IGFN1: variants seen among roughly 807,000 people sequenced by gnomAD.
IGFN1 encodes the protein immunoglobulin like and fibronectin type III domain containing 1.
A neutral mutation model predicts 289.5 loss-of-function variants in IGFN1; 253 were observed. The ratio of observed to expected loss-of-function variants is 0.87; its 90% confidence interval spans 0.79 to 0.97. IGFN1 has a LOEUF of 0.97. Among genes scored for constraint, IGFN1 ranks in the 50% least tolerant of loss-of-function variants. The probability of loss-of-function intolerance (pLI) is 0.00; values close to 1 mark genes in which losing one functional copy is unlikely to be tolerated. For missense variants in IGFN1, 4,470 were observed against 4,686.1 expected, an observed-to-expected ratio of 0.95 and a Z score of 1.35; for synonymous variants, 1,706 against 1,788.5, an observed-to-expected ratio of 0.95 and a Z score of 1.16.
At chr1:201,216,046 G>C (rs1175058273) in intron 15 of IGFN1, 1 of 726,542 alleles carries the variant, frequency 1.4e-6, no homozygotes. Flanking sequence ...TCCTGCTGGG[G>C]GGGAGGAGCC....
At position 201,211,394 on chromosome 1, in the gene IGFN1, T is replaced by G. The variant is rs1424086882; in HGVS notation, c.6501T>G (p.Ser2167=). The change falls in exon 12 of 24, where the codon TCT becomes TCG. Residue 2167 remains serine (S), a synonymous_variant. Coordinates refer to ENST00000335211, the MANE Select transcript of IGFN1 (RefSeq NM_001164586.2). ...KAGFRDGLGS[S]GEMGSMDEAG... is the part of the protein sequence containing the mutation. Reference sequence around the variant, plus strand: ...GTTTTAGGGATGGTTTAGGGAGTTCTGGGGAAATGGGGTCAATGGATGAGG... The same window carrying G: ...GTTTTAGGGATGGTTTAGGGAGTTCGGGGGAAATGGGGTCAATGGATGAGG... The G allele has an allele frequency of 6.7e-7, 1 of 1,490,160 alleles. No homozygotes were observed. Among genetic ancestry groups the G allele is most frequent in the South Asian group, 1.3e-5 (1 of 79,974 alleles). 92.3% of individuals were successfully genotyped at this position (1,490,160 alleles called of 1,614,324 possible).
intron 19 of IGFN1, 74 bp from the exon 20 acceptor site, chr1:201,222,665 C>A (rs1558159908): frequency 9.7e-7 from 1 of 1,030,494 alleles, no homozygotes; most frequent in Non-Finnish European, 1.5e-6. Context: ...TCCAGCCCTA[C>A]CTTGCTGGGG....
rs1442404397 is a variant in IGFN1, at chr1:201,212,309, T to C, written c.7416T>C (p.Thr2472=). Residue 2472 remains threonine, a synonymous_variant, in exon 12 of 24, where the codon ACT becomes ACC. Transcript: ENST00000335211. The part of the protein sequence containing the change: ...GSTKDLGGYG[T]SGIPEASEAA... ...CCAAAGATCTTGGGGGCTATGGAAC[T>C]TCAGGGATCCCTGAGGCCTCGGAGG... is the stretch of plus-strand genomic sequence containing the variant. 6.5e-7 allele frequency: 1 copy of C among 1,536,492 alleles called. No individual in the cohort carries two copies. Among genetic ancestry groups the C allele is most frequent in the Admixed American group, 2.0e-5 (1 of 50,972 alleles).
rs975698031 is a variant in IGFN1 at position 201,211,095 on chromosome 1, G to A, written c.6202G>A (p.Ala2068Thr). Reference sequence around the variant, plus strand: ...TGTAGAAATGGGGTCAGTGAATGAGGCAGGTTATAGGAAGGATTTAGGGGC... The same window carrying A: ...TGTAGAAATGGGGTCAGTGAATGAGACAGGTTATAGGAAGGATTTAGGGGC... The part of the protein sequence containing the change: ...SSVEMGSVNE[A>T]GYRKDLGAPK... The change falls in exon 12 of 24, where the codon GCA becomes ACA. Residue 2068 changes from alanine (A) to threonine (T), a missense_variant. By Grantham distance (58) the Ala-to-Thr change is moderately conservative. This residue lies in a region of IGFN1 where 2,218 missense variants were observed against 2,114.1 expected (regional missense o/e 1.05). Coordinates refer to ENST00000335211, the MANE Select transcript of IGFN1 (RefSeq NM_001164586.2). 8.0e-6 allele frequency: 12 copies of A among 1,507,234 alleles called. No individual in the cohort carries two copies. Among genetic ancestry groups the A allele is most frequent in the Middle Eastern group, 1.7e-4 (1 of 5,872 alleles). 93.4% of individuals were successfully genotyped at this position (1,507,234 alleles called of 1,614,324 possible).
chr1:201,206,468 G>A lies in IGFN1; in HGVS notation c.1575G>A (p.Gln525=). 1 of 1,551,332 alleles carries A rather than the reference G, an allele frequency of 6.4e-7. No homozygotes were observed. The highest frequency in any genetic ancestry group is 8.7e-7 in the Non-Finnish European group (1 of 1,146,972). Reference sequence around the variant, plus strand: ...GCCTTGCAGAGAGGCCCCATCTACAGGGAGAGAGCTCAGAATCAGGGTTGG... The same window carrying A: ...GCCTTGCAGAGAGGCCCCATCTACAAGGAGAGAGCTCAGAATCAGGGTTGG... The part of the protein sequence containing the change: ...ARSLAERPHL[Q]GESSESGLGL... The change falls in exon 12 of 24, where the codon CAG becomes CAA. Residue 525 remains glutamine, a synonymous_variant. Coordinates refer to ENST00000335211, the MANE Select transcript of IGFN1 (RefSeq NM_001164586.2).
At position 201,215,587 on chromosome 1, in the gene IGFN1, T is replaced by G. The variant is rs1295716109; in HGVS notation, c.9044T>G (p.Leu3015Arg). 2 of 1,609,416 alleles carry G rather than the reference T, an allele frequency of 1.2e-6. No homozygotes were observed. Among genetic ancestry groups the G allele is most frequent in the Non-Finnish European group, 1.7e-6 (2 of 1,178,006 alleles). Residue 3015 changes from leucine (L) to arginine (R), a missense_variant, in exon 15 of 24, where the codon CTG becomes CGG. Transcript: ENST00000335211. ...PDVTEKLREP[L>R]VVKAGKPVIV... The stretch of plus-strand genomic sequence containing the variant: ...GTGACAGAGAAACTGAGAGAGCCAC[T>G]GGTGGTCAAGGCTGGGAAGCCGGTG...
At chr1:201,196,086 G>A (rs762417831) in intron 4 of IGFN1, 108 bp downstream of exon 4, 23 of 1,096,974 alleles carry the variant, frequency 2.1e-5, no homozygotes, top group African/African-American at 9.5e-5. Context: ...CATACTCCTC[G>A]TTGAGGTTGA....
At chr1:201,194,562 G>C (rs1029783815) in intron 3 of IGFN1, among the ~76,000 whole-genome samples, 2 of 152,194 alleles carry the variant, frequency 1.3e-5, no homozygotes, top group Admixed American at 6.6e-5. Flanking sequence ...TGGGGAGCAG[G>C]GAGAGGTTGT....
intron 18 of IGFN1, 30 bp from the exon 19 acceptor site, chr1:201,221,414 C>T (rs1244107299): frequency 1.3e-6 from 2 of 1,495,150 alleles, no homozygotes; most frequent in Non-Finnish European, 1.8e-6. Context: ...CAGGAGATGC[C>T]ATTCCTGACT....
chr1:201,205,087 C>T lies in IGFN1; in HGVS notation c.922C>T (p.Pro308Ser), dbSNP rs11584104. 8 of 1,537,634 alleles carry T rather than the reference C, an allele frequency of 5.2e-6. No individual in the cohort carries two copies. Among genetic ancestry groups the T allele is most frequent in the African/African-American group, 1.4e-5 (1 of 72,784 alleles). Residue 308 changes from proline (P) to serine (S), a missense_variant, in exon 11 of 24, where the codon CCC (proline) becomes TCC (serine). Coordinates refer to ENST00000335211, the MANE Select transcript of IGFN1 (RefSeq NM_001164586.2). ...CATTCCTATTTCCCCGGCAGCCATC[C>T]CCCCAAGAGTGGTGGTCCCACTGGC... ...FSTELEASAI[P>S]PRVVVPLAET...
intron 1 of IGFN1, among the ~76,000 whole-genome samples, chr1:201,192,457 C>A (rs1176459455): frequency 6.6e-6 from 1 of 151,992 alleles, no homozygotes; most frequent in Non-Finnish European, 1.5e-5. Context: ...GTGTGGGACT[C>A]CCCATTGGCC....
rs368275026 is a variant in IGFN1 at position 201,199,370 on chromosome 1, C to A, written c.404C>A (p.Pro135Gln). ...FRKNRKRHREPQEDLRKELMD... is the reference protein window; with the variant it reads ...FRKNRKRHREQQEDLRKELMD... ...AAGAATCGGAAGAGGCACAGGGAAC[C>A]GCAGGAAGGTAGGCAGATTTGTCAG... The change falls in exon 6 of 24, where the codon CCG (proline) becomes CAG (glutamine). Residue 135 changes from proline to glutamine, a missense_variant. By Grantham distance (76) the Pro-to-Gln change is moderately conservative. Around this residue, in one of 8 missense-constraint regions of IGFN1, gnomAD observed 2,011 missense variants for 1,953.4 expected, o/e 1.03. Transcript: ENST00000335211. 13 of 1,551,906 alleles carry A rather than the reference C, an allele frequency of 8.4e-6. No homozygotes were observed. Among genetic ancestry groups the A allele is most frequent in the Non-Finnish European group, 1.1e-5 (13 of 1,146,998 alleles).
At position 201,209,156 on chromosome 1, in the gene IGFN1, G is replaced by A. The variant is rs1667582710; in HGVS notation, c.4263G>A (p.Gly1421=). 1.3e-6 allele frequency: 2 copies of A among 1,519,142 alleles called. No individual in the cohort carries two copies. Among genetic ancestry groups the A allele is most frequent in the Non-Finnish European group, 1.8e-6 (2 of 1,139,618 alleles). The allele number at this position is 1,519,142 out of a possible 1,614,324, so 94.1% of individuals were successfully genotyped here. Residue 1421 remains glycine (G), a synonymous_variant, in exon 12 of 24, where the codon GGG becomes GGA. Coordinates refer to ENST00000335211, the MANE Select transcript of IGFN1 (RefSeq NM_001164586.2). ...GGATTGGAGGTTATGGGGAAATGGGGTCAGGTTATAGGGAGGATTTGGGGG... is the reference window on the plus strand; with the variant it reads ...GGATTGGAGGTTATGGGGAAATGGGATCAGGTTATAGGGAGGATTTGGGGG... ...RNGIGGYGEM[G]SGYREDLGAP...
At position 201,213,379 on chromosome 1, in the gene IGFN1, G is replaced by A. The variant is rs1448452370; in HGVS notation, c.8486G>A (p.Gly2829Glu). ...SQAQSGAEVGGGKRRGADEAG... is the reference protein window; with the variant it reads ...SQAQSGAEVGEGKRRGADEAG... ...GCACAGTCAGGGGCTGAGGTTGGAG[G>A]AGGAAAGAGAAGGGGAGCAGACGAG... The change falls in exon 12 of 24, where the codon GGA (glycine) becomes GAA (glutamate). Residue 2829 changes from glycine to glutamate, a missense_variant. Transcript: ENST00000335211. The A allele has an allele frequency of 6.2e-7, 1 of 1,613,396 alleles. No individual in the cohort carries two copies. The highest frequency in any genetic ancestry group is 8.5e-7 in the Non-Finnish European group (1 of 1,179,718).
At position 201,226,047 on chromosome 1, in the gene IGFN1, G is replaced by T. The variant is rs547293166; in HGVS notation, c.10710G>T (p.Arg3570Ser). 3.1e-6 allele frequency: 5 copies of T among 1,600,174 alleles called. No individual in the cohort carries two copies. The highest frequency in any genetic ancestry group is 3.4e-6 in the Non-Finnish European group (4 of 1,171,292). The change falls in exon 22 of 24, where the codon AGG becomes AGT. Residue 3570 changes from arginine (R) to serine (S), a missense_variant. By Grantham distance (110) the Arg-to-Ser change is moderately radical. Transcript: ENST00000335211. ...TCCCCGGCCACGAATACCACTTCAGGGTGGTGGCCAAGAATGAGCTGGGGG... is the reference window on the plus strand; with the variant it reads ...TCCCCGGCCACGAATACCACTTCAGTGTGGTGGCCAAGAATGAGCTGGGGG... ...GILPGHEYHF[R>S]VVAKNELGAS...
In IGFN1 at chr1:201,227,024, C is replaced by G. The variant is rs750246477; in HGVS notation, c.10929C>G (p.Pro3643=). 6.2e-7 allele frequency: 1 copy of G among 1,613,576 alleles called. No individual in the cohort carries two copies. The highest frequency in any genetic ancestry group is 2.2e-5 in the East Asian group (1 of 44,882). The change falls in exon 23 of 24, where the codon CCC becomes CCG. Residue 3643 remains proline, a synonymous_variant. Transcript: ENST00000335211. The stretch of plus-strand genomic sequence containing the variant: ...GTGCCGTGCAGGGCTCGCCCCGGCC[C>G]CACGTCACCTGGTTCAAGAATGACC... The part of the protein sequence containing the change: ...MSCAVQGSPR[P]HVTWFKNDRS...
Position 201,190,874 on chromosome 1 carries a change from C to A in IGFN1, c.-81C>A, listed in dbSNP as rs1666625463. The A allele has an allele frequency of 6.6e-6, 1 of 152,604 alleles. No homozygotes were observed. Among genetic ancestry groups the A allele is most frequent in the Admixed American group, 6.5e-5 (1 of 15,272 alleles). The allele number at this position is 152,604 out of a possible 1,614,324, so 9.5% of individuals were successfully genotyped here. A position where few individuals can be genotyped will look rare whatever the true frequency, so the allele number is the denominator to read the frequency against. ...GCAGCTGGAAACGGGGAAGAGGGAGCAGACAGGAAGCGGGAGGTCAGCTGT... is the reference window on the plus strand; with the variant it reads ...GCAGCTGGAAACGGGGAAGAGGGAGAAGACAGGAAGCGGGAGGTCAGCTGT... On this transcript the variant is annotated 5_prime_UTR_variant, in exon 1 of 24. Coordinates refer to ENST00000335211, the MANE Select transcript of IGFN1 (RefSeq NM_001164586.2).
chr1:201,216,810 C>T (rs1653336334), intron 16 of IGFN1, 57 bp downstream of exon 16: 9 of 1,444,862 alleles, frequency 6.2e-6, no homozygotes, highest in South Asian at 2.5e-5. Context: ...CCCACTGTGC[C>T]GAGGAGGGCA....
chr1:201,202,171 C>A (rs965096809), intron 9 of IGFN1, among the ~76,000 whole-genome samples: 1 of 152,188 alleles, frequency 6.6e-6, no homozygotes, highest in Non-Finnish European at 1.5e-5. Context: ...AGACTTCATA[C>A]ATCCCTACCT....
Sources: gnomAD v4.1 joint callset for allele counts (sites outside exome capture counted in the v4.1 genomes callset) on GRCh38, gnomAD v4.1.1 for gene constraint, gnomAD v4.1.1 regional missense constraint, MANE v1.5 for transcripts, NCBI Gene and HGNC (gene_info 2026-07-23, HGNC 2026-07-21) for gene names.